ZFP1: variants seen among roughly 807,000 people sequenced by gnomAD.
ZFP1 encodes the protein zinc finger protein 1 homolog.
Under a neutral mutation model 38.5 loss-of-function variants are expected in ZFP1, and 32 were observed. That is an observed-to-expected ratio of 0.83 (90% CI 0.63 to 1.12). The LOEUF (loss-of-function observed/expected upper bound fraction) is 1.12, where lower values mean the gene tolerates loss of function less well. Among genes scored for constraint, ZFP1 ranks in the 50% most tolerant of loss-of-function variants. The probability of loss-of-function intolerance (pLI) is 0.00; values close to 1 mark genes in which losing one functional copy is unlikely to be tolerated. For missense variants in ZFP1, 616 were observed against 480.8 expected, an observed-to-expected ratio of 1.28 and a Z score of -2.63; for synonymous variants, 245 against 168.8, an observed-to-expected ratio of 1.45 and a Z score of -3.50.
At chr16:75,158,506 A>G (rs1200363093) in intron 2 of ZFP1, among the ~76,000 whole-genome samples, 1 of 149,718 alleles carries the variant, frequency 6.7e-6, no homozygotes, top group East Asian at 2.0e-4. Flanking sequence ...GTTAATTTTA[A>G]TTTTAATTTT....
Position 75,171,204 on chromosome 16 carries a change from CAGAA to C in ZFP1, c.*872_*875del, listed in dbSNP as rs1405672018. ...TTACCAAAATATTGTGTAACACAGA[CAGAA>C]ACCACCTGTTTTTGTCTTTCCTTGT... On this transcript the variant is annotated 3_prime_UTR_variant, in exon 4 of 4. Coordinates refer to ENST00000570010, the MANE Select transcript of ZFP1 (RefSeq NM_153688.4). 6.6e-6 allele frequency: 1 copy of C among 152,128 alleles called. No individual in the cohort carries two copies. The highest frequency in any genetic ancestry group is 2.4e-5 in the African/African-American group (1 of 41,428). The allele number at this position is 152,128 out of a possible 1,614,324, so 9.4% of individuals were successfully genotyped here.
At chr16:75,162,723 C>G (rs1005856678) in intron 2 of ZFP1, among the ~76,000 whole-genome samples, 1 of 151,962 alleles carries the variant, frequency 6.6e-6, no homozygotes, top group African/African-American at 2.4e-5. Flanking sequence ...TCGTGAGTAC[C>G]CAGAGTTTAG....
At chr16:75,157,431 A>G (rs2037526464) in intron 2 of ZFP1, among the ~76,000 whole-genome samples, 1 of 151,758 alleles carries the variant, frequency 6.6e-6, no homozygotes, top group Non-Finnish European at 1.5e-5. Context: ...TTTAGTAGAG[A>G]CGGGATTTCA....
Position 75,166,795 on chromosome 16 carries a change from C to G in ZFP1, c.41C>G (p.Thr14Ser). Reference protein sequence around the residue: ...SQGSVSFTDVTVDFTQEEWEQ... With the variant: ...SQGSVSFTDVSVDFTQEEWEQ... The stretch of plus-strand genomic sequence containing the variant: ...GGATCAGTTTCATTCACGGATGTGA[C>G]TGTGGACTTTACCCAGGAGGAATGG... The change falls in exon 3 of 4, where the codon ACT becomes AGT. Residue 14 changes from threonine to serine, a missense_variant. Physicochemically the swap from Thr to Ser is moderately conservative, Grantham distance 58 (BLOSUM62 1). Transcript: ENST00000570010. 1 of 1,614,140 alleles carries G rather than the reference C, an allele frequency of 6.2e-7. No homozygotes were observed.
At chr16:75,120,437 G>A in the ZFP1 span, among the ~76,000 whole-genome samples, 1 of 151,994 alleles carries the variant, frequency 6.6e-6, no homozygotes, top group South Asian at 2.1e-4. Context: ...GCAATCCCCA[G>A]AGTGTAAACA....
At chr16:75,122,474 A>G in the ZFP1 span, among the ~76,000 whole-genome samples, 2 of 152,198 alleles carry the variant, frequency 1.3e-5, no homozygotes, top group Non-Finnish European at 2.9e-5. Flanking sequence ...GTTTACTGAA[A>G]CTAGAAGCTA....
intron 2 of ZFP1, among the ~76,000 whole-genome samples, chr16:75,157,782 A>C (rs1003362092): frequency 7.3e-5 from 11 of 151,496 alleles, no homozygotes; most frequent in African/African-American, 1.5e-4. Context: ...AGCCATACCT[A>C]CCTCTTCTGG....
chr16:75,166,666 G>A (rs545233883), intron 2 of ZFP1, 104 bp from the exon 3 acceptor site: 1 of 1,578,878 alleles, frequency 6.3e-7, no homozygotes, highest in Non-Finnish European at 8.6e-7. Flanking sequence ...ATGTATCGTT[G>A]GTGTAATATA....
chr16:75,135,526 G>C, the ZFP1 span, among the ~76,000 whole-genome samples: 1 of 152,298 alleles, frequency 6.6e-6, no homozygotes, highest in South Asian at 2.1e-4. Flanking sequence ...CCAACACTTT[G>C]GGAGGACAAG....
chr16:75,148,016 A>G (rs983050696), upstream of ZFP1, among the ~76,000 whole-genome samples: 2 of 152,206 alleles, frequency 1.3e-5, no homozygotes, highest in Non-Finnish European at 2.9e-5. Context: ...TCTTAAATAT[A>G]TAGATCTCAA....
rs980688083 is a variant in ZFP1 at position 75,171,732 on chromosome 16, C to G, written c.*1398C>G. 3 of 152,190 alleles carry G rather than the reference C, an allele frequency of 2.0e-5. No homozygotes were observed. Among genetic ancestry groups the G allele is most frequent in the Non-Finnish European group, 4.4e-5 (3 of 68,042 alleles). The allele number at this position is 152,190 out of a possible 1,614,324, so 9.4% of individuals were successfully genotyped here. A position where few individuals can be genotyped will look rare whatever the true frequency, so the allele number is the denominator to read the frequency against. On this transcript the variant is annotated 3_prime_UTR_variant, in exon 4 of 4. Coordinates refer to ENST00000570010, the MANE Select transcript of ZFP1 (RefSeq NM_153688.4). The stretch of plus-strand genomic sequence containing the variant: ...TGGATATCATTGATGTGCTGTCACA[C>G]TATATATTGAGTGACTTTCTGAACA...
chr16:75,168,595 G>C (rs1371600876), intron 3 of ZFP1, among the ~76,000 whole-genome samples: 2 of 151,990 alleles, frequency 1.3e-5, no homozygotes, highest in East Asian at 1.9e-4. Context: ...CCTGTGGTAA[G>C]GGTTGTGTAT....
chr16:75,169,755 T>C lies in ZFP1; in HGVS notation c.645T>C (p.Asn215=). ...IHTGEKPYEC[N]VCKKTFSHKA... ...CTGGAGAAAAGCCATATGAATGCAA[T>C]GTATGTAAGAAAACCTTCTCCCATA... Residue 215 remains asparagine (N), a synonymous_variant, in exon 4 of 4, where the codon AAT becomes AAC. Transcript: ENST00000570010. 1 of 1,613,324 alleles carries C rather than the reference T, an allele frequency of 6.2e-7. No individual in the cohort carries two copies. Among genetic ancestry groups the C allele is most frequent in the Non-Finnish European group, 8.5e-7 (1 of 1,179,702 alleles).
At chr16:75,159,141 C>T (rs1442180500) in intron 2 of ZFP1, among the ~76,000 whole-genome samples, 3 of 151,854 alleles carry the variant, frequency 2.0e-5, no homozygotes, top group African/African-American at 7.3e-5. Context: ...AAGCAATCCA[C>T]CCACCTTAGC....
At chr16:75,120,665 A>C in the ZFP1 span, among the ~76,000 whole-genome samples, 1 of 151,680 alleles carries the variant, frequency 6.6e-6, no homozygotes, top group Non-Finnish European at 1.5e-5. Context: ...GCAGTGGCGC[A>C]ATCTCGGCTC....
At chr16:75,140,241 C>T in the ZFP1 span, among the ~76,000 whole-genome samples, 1 of 150,422 alleles carries the variant, frequency 6.6e-6, no homozygotes, top group Non-Finnish European at 1.5e-5. Flanking sequence ...GCACTCCAGC[C>T]TGGGCAACAA....
In ZFP1 at chr16:75,159,131, A is replaced by C. The variant is rs1054033047; in HGVS notation, c.15+6165A>C. On this transcript the variant is annotated intron_variant, in intron 2 of 3. Coordinates refer to ENST00000570010, the MANE Select transcript of ZFP1 (RefSeq NM_153688.4). ...AGGCTGGTCTCGAACTCCTGGGCTC[A>C]AGCAATCCACCCACCTTAGCCGCCC... 2.0e-5 allele frequency among the ~76,000 whole-genome samples: 3 copies of C among 151,784 alleles called. No individual in the cohort carries two copies. The East Asian group carries it at 5.8e-4, about 29-fold the overall frequency.
the ZFP1 span, among the ~76,000 whole-genome samples, chr16:75,128,317 GTC>G: frequency 6.6e-6 from 1 of 152,214 alleles, no homozygotes; most frequent in South Asian, 2.1e-4. Flanking sequence ...TTTAAAAAAA[GTC>G]TTATCTGAGA....
intron 2 of ZFP1, among the ~76,000 whole-genome samples, chr16:75,158,748 A>G (rs2037595655): frequency 6.6e-6 from 1 of 150,828 alleles, no homozygotes; most frequent in African/African-American, 2.4e-5. Context: ...TGGTTGCTGT[A>G]GAGATTACAG....
Sources: allele counts gnomAD v4.1 joint callset (sites outside exome capture counted in the v4.1 genomes callset), GRCh38; gene constraint gnomAD v4.1.1; transcripts MANE v1.5; gene names NCBI Gene and HGNC (gene_info 2026-07-23, HGNC 2026-07-21).